The following MAPKAP1 variants were observed in gnomAD, a reference collection of about 807,000 sequenced individuals.
MAPKAP1 encodes target of rapamycin complex 2 subunit MAPKAP1.
In MAPKAP1, 20 loss-of-function variants were observed where a neutral mutation model predicts 65.7. The observed-to-expected ratio is 0.30, with a 90% CI of 0.21 to 0.44. The LOEUF (loss-of-function observed/expected upper bound fraction) is 0.44. Among genes scored for constraint, MAPKAP1 ranks in the 20% least tolerant of loss-of-function variants. The pLI is 1.00. For synonymous variants in MAPKAP1, 222 were observed against 244.3 expected, an observed-to-expected ratio of 0.91 and a Z score of 0.85; for missense variants, 423 against 648.0, an observed-to-expected ratio of 0.65 and a Z score of 3.77.
At chr9:125,621,673 C>T (rs1589351205) in intron 4 of MAPKAP1, among the ~76,000 whole-genome samples, 1 of 152,192 alleles carries the variant, frequency 6.6e-6, no homozygotes, top group Non-Finnish European at 1.5e-5. Flanking sequence ...TTTAGATTAA[C>T]AGCCTCTACC....
intron 5 of MAPKAP1, among the ~76,000 whole-genome samples, chr9:125,580,839 CT>C (rs1481425534): frequency 1.3e-5 from 2 of 152,126 alleles, no homozygotes; most frequent in African/African-American, 4.8e-5. Context: ...CAGAGAAGCT[CT>C]TTTTTACCAC....
chr9:125,575,993 C>T (rs1461937925), intron 5 of MAPKAP1, among the ~76,000 whole-genome samples: 1 of 152,206 alleles, frequency 6.6e-6, no homozygotes, highest in Admixed American at 6.5e-5. Context: ...TAAATCCATG[C>T]AGTCCATTAC....
At chr9:125,680,285 T>C (rs1376125946) in intron 1 of MAPKAP1, among the ~76,000 whole-genome samples, 1 of 151,778 alleles carries the variant, frequency 6.6e-6, no homozygotes, top group Non-Finnish European at 1.5e-5. Context: ...CTTGCCTTTA[T>C]AAAAACCAAC....
intron 1 of MAPKAP1, among the ~76,000 whole-genome samples, chr9:125,692,106 A>C (rs892341202): frequency 3.3e-5 from 5 of 152,214 alleles, no homozygotes; most frequent in Non-Finnish European, 4.4e-5. Flanking sequence ...ACAGCCTGGC[A>C]GTTTCTCAAA....
At position 125,612,415 on chromosome 9, in the gene MAPKAP1, A is replaced by T. The variant is rs139752520; in HGVS notation, c.499-26688T>A. ...GTACAAATTCTTTTAGTTTTTTTTT[A>T]AATTTAAAATTTTTATGTTAGCTCT... On this transcript the variant is annotated intron_variant, in intron 4 of 11. Transcript: ENST00000265960. Among the ~76,000 whole-genome samples, 667 of 151,812 alleles carry T rather than the reference A, an allele frequency of 4.4e-3. 6 individuals carry two copies. The highest frequency in any genetic ancestry group is 0.015 in the African/African-American group (616 of 41,384).
chr9:125,613,417 G>A (rs937683782), intron 4 of MAPKAP1, among the ~76,000 whole-genome samples: 42 of 152,146 alleles, frequency 2.8e-4, no homozygotes, highest in African/African-American at 9.4e-4. Flanking sequence ...TCCTTCTCAC[G>A]ACACTCAGAA....
chr9:125,444,382 C>G (rs370377308), intron 11 of MAPKAP1, 119 bp downstream of exon 11: 1 of 762,270 alleles, frequency 1.3e-6, no homozygotes, highest in South Asian at 1.9e-5. Flanking sequence ...CTCTGCCAAA[C>G]TGGGCCCGGG....
chr9:125,664,346 T>A (rs1283769589), intron 3 of MAPKAP1, among the ~76,000 whole-genome samples: 1 of 144,912 alleles, frequency 6.9e-6, no homozygotes, highest in East Asian at 2.1e-4. Context: ...AAACTCCGTC[T>A]CAAAAAAAAT....
At chr9:125,616,409 T>G (rs1292435475) in intron 4 of MAPKAP1, among the ~76,000 whole-genome samples, 1 of 152,056 alleles carries the variant, frequency 6.6e-6, no homozygotes, top group Non-Finnish European at 1.5e-5. Context: ...AAAAAGAGAA[T>G]GAAGACAAGT....
intron 8 of MAPKAP1, among the ~76,000 whole-genome samples, chr9:125,505,281 C>T (rs1396300417): frequency 1.3e-5 from 2 of 152,140 alleles, no homozygotes; most frequent in African/African-American, 4.8e-5. Flanking sequence ...AAAAATTAGC[C>T]GGACATGGCA....
At chr9:125,479,134 G>A (rs180973966) in intron 9 of MAPKAP1, among the ~76,000 whole-genome samples, 1 of 152,340 alleles carries the variant, frequency 6.6e-6, no homozygotes. Flanking sequence ...TCAGGCGCCA[G>A]CGCATGCAAA....
At chr9:125,487,943 C>G (rs886998671) in intron 8 of MAPKAP1, among the ~76,000 whole-genome samples, 2 of 152,168 alleles carry the variant, frequency 1.3e-5, no homozygotes, top group Non-Finnish European at 2.9e-5. Flanking sequence ...TTAATGAAAA[C>G]TTTATATTTT....
chr9:125,689,310 G>A (rs886681531), intron 1 of MAPKAP1, among the ~76,000 whole-genome samples: 16 of 151,902 alleles, frequency 1.1e-4, no homozygotes, highest in South Asian at 6.2e-4. Context: ...GGTGGCGGGC[G>A]CCTGTAGTCC....
intron 5 of MAPKAP1, among the ~76,000 whole-genome samples, chr9:125,569,970 T>C (rs1388591114): frequency 6.6e-6 from 1 of 152,224 alleles, no homozygotes; most frequent in African/African-American, 2.4e-5. Context: ...CTGATAAAAA[T>C]GTTTAGTCTA....
intron 5 of MAPKAP1, among the ~76,000 whole-genome samples, chr9:125,585,353 T>C (rs1323335248): frequency 6.6e-6 from 1 of 152,232 alleles, no homozygotes; most frequent in Non-Finnish European, 1.5e-5. Context: ...TTCTCATGTC[T>C]GTAATTCACA....
intron 6 of MAPKAP1, among the ~76,000 whole-genome samples, chr9:125,547,257 G>C (rs1407389526): frequency 6.6e-6 from 1 of 152,144 alleles, no homozygotes; most frequent in African/African-American, 2.4e-5. Flanking sequence ...GGAGCCCACA[G>C]GGACACAGGT....
Position 125,484,408 on chromosome 9 carries a change from C to T in MAPKAP1, c.1207+35G>A, listed in dbSNP as rs73591547. The T allele has an allele frequency of 4.3e-4, 681 of 1,578,952 alleles. 3 individuals carry two copies. In the African/African-American group the frequency reaches 7.9e-3, roughly 18 times the overall value. On this transcript the variant is annotated intron_variant, in intron 9 of 11. Coordinates refer to ENST00000265960, the MANE Select transcript of MAPKAP1 (RefSeq NM_001006617.3). Reference sequence around the variant, plus strand: ...CCCATTTCTACACCGACTGCTGACACGACAAGCTAGCTCATCACCTGCTCA... The same window carrying T: ...CCCATTTCTACACCGACTGCTGACATGACAAGCTAGCTCATCACCTGCTCA...
At chr9:125,510,836 C>T (rs1224143196) in intron 7 of MAPKAP1, among the ~76,000 whole-genome samples, 3 of 152,204 alleles carry the variant, frequency 2.0e-5, no homozygotes, top group Non-Finnish European at 2.9e-5. Flanking sequence ...TAGTATTTTA[C>T]ACATTTTCCC....
chr9:125,478,724 TG>T (rs1252798145), intron 9 of MAPKAP1, among the ~76,000 whole-genome samples: 6 of 152,292 alleles, frequency 3.9e-5, no homozygotes, highest in Non-Finnish European at 7.4e-5. Context: ...TCAATTCTGC[TG>T]GAAGTCTCCG....
Sources: gnomAD v4.1 joint callset for allele counts (sites outside exome capture counted in the v4.1 genomes callset) on GRCh38, gnomAD v4.1.1 for gene constraint, MANE v1.5 for transcripts, NCBI Gene and HGNC (gene_info 2026-07-23, HGNC 2026-07-21) for gene names.